The following SNX13 variants were observed in gnomAD, a reference collection of about 807,000 sequenced individuals.
SNX13 encodes the protein sorting nexin 13.
SNX13 carries 45 observed loss-of-function variants against 133.6 expected under a neutral mutation model. The observed-to-expected ratio is 0.34, with a 90% confidence interval of 0.27 to 0.43. The LOEUF is 0.43. Ranked by LOEUF, SNX13 falls within the 20% of genes least tolerant of loss-of-function variation. SNX13 has a pLI of 1.00. For synonymous variants in SNX13, 414 were observed against 373.9 expected, an observed-to-expected ratio of 1.11 and a Z score of -1.24; for missense variants, 1,032 against 1,145.1, an observed-to-expected ratio of 0.90 and a Z score of 1.43.
chr7:17,916,182 C>T (rs949235904), intron 1 of SNX13, among the ~76,000 whole-genome samples: 7 of 125,598 alleles, frequency 5.6e-5, no homozygotes, highest in Non-Finnish European at 8.3e-5. Flanking sequence ...AACGTCTACA[C>T]CAAGGAGATA....
chr7:17,853,952 A>T (rs1172855936), intron 9 of SNX13, among the ~76,000 whole-genome samples: 1 of 138,276 alleles, frequency 7.2e-6, no homozygotes, highest in East Asian at 2.1e-4. Flanking sequence ...AAAAAAAATA[A>T]AAAAAGAAAA....
At chr7:17,818,312 A>C (rs1048796302) in intron 18 of SNX13, among the ~76,000 whole-genome samples, 2 of 152,194 alleles carry the variant, frequency 1.3e-5, no homozygotes, top group African/African-American at 4.8e-5. Flanking sequence ...TTAAAACAAC[A>C]ATTTATTTCA....
intron 20 of SNX13, among the ~76,000 whole-genome samples, chr7:17,804,121 G>A (rs1784926519): frequency 6.6e-6 from 1 of 151,802 alleles, no homozygotes; most frequent in African/African-American, 2.4e-5. Flanking sequence ...GCCAGATGAG[G>A]TTATTCTTAG....
chr7:17,913,199 G>C (rs1393157328), intron 1 of SNX13, among the ~76,000 whole-genome samples: 1 of 152,194 alleles, frequency 6.6e-6, no homozygotes, highest in Non-Finnish European at 1.5e-5. Flanking sequence ...GGAAACACAA[G>C]TGTGGTGCCA....
intron 1 of SNX13, among the ~76,000 whole-genome samples, chr7:17,936,056 A>G (rs938677467): frequency 6.6e-6 from 1 of 152,142 alleles, no homozygotes; most frequent in Admixed American, 6.5e-5. Flanking sequence ...TTGATACGTA[A>G]CTCATCACTC....
chr7:17,870,216 G>C (rs1793919285), intron 8 of SNX13, among the ~76,000 whole-genome samples: 1 of 152,052 alleles, frequency 6.6e-6, no homozygotes, highest in South Asian at 2.1e-4. Flanking sequence ...ATCTTTAAAG[G>C]AATAAAACAT....
At chr7:17,898,471 T>C (rs1015730756) in intron 1 of SNX13, among the ~76,000 whole-genome samples, 3 of 152,154 alleles carry the variant, frequency 2.0e-5, no homozygotes, top group East Asian at 1.9e-4. Flanking sequence ...TCACCAGTCA[T>C]TGCTTCCTAC....
Position 17,845,692 on chromosome 7 carries a change from T to C in SNX13, c.1068A>G (p.Glu356=). 1 of 1,583,244 alleles carries C rather than the reference T, an allele frequency of 6.3e-7. No homozygotes were observed. The change falls in exon 12 of 26, where the codon GAA becomes GAG. Residue 356 remains glutamate, a splice_region_variant and synonymous_variant. Coordinates refer to ENST00000428135, the MANE Select transcript of SNX13 (RefSeq NM_015132.5). ...TTGCTGCAAGTTTCACAGTATTTAT[T>C]TCCTACAGGCAAAAGTGAATATAAG... ...SRIQRLQSGK[E]INTVKLAANF...
At chr7:17,902,242 G>GTTT (rs71010277) in intron 1 of SNX13, among the ~76,000 whole-genome samples, 12 of 120,328 alleles carry the variant, frequency 1.0e-4, no homozygotes, top group South Asian at 5.8e-4. Flanking sequence ...TACTGTCATG[G>GTTT]TTTTTTTTTT....
intron 1 of SNX13, among the ~76,000 whole-genome samples, chr7:17,903,155 T>C (rs763657274): frequency 3.6e-4 from 55 of 152,160 alleles, no homozygotes; most frequent in African/African-American, 1.2e-3. Flanking sequence ...CAACTGTGAA[T>C]TGGAAGAAAC....
At chr7:17,845,442 T>C (rs1351609120) in intron 12 of SNX13, among the ~76,000 whole-genome samples, 153 bp downstream of exon 12, 2 of 152,188 alleles carry the variant, frequency 1.3e-5, no homozygotes, top group Non-Finnish European at 2.9e-5. Flanking sequence ...AAAACAGTTC[T>C]GGAGACTCTG....
chr7:17,851,622 T>C (rs1365762519), intron 9 of SNX13, among the ~76,000 whole-genome samples: 3 of 139,312 alleles, frequency 2.2e-5, no homozygotes, highest in Admixed American at 8.5e-5. Context: ...AAAGAGAACA[T>C]AGAACTACAC....
intron 9 of SNX13, among the ~76,000 whole-genome samples, chr7:17,864,745 T>A: frequency 7.0e-6 from 1 of 142,886 alleles, no homozygotes; most frequent in Non-Finnish European, 1.5e-5. Context: ...AAATAAAGAG[T>A]CCTAAAAGCT....
At chr7:17,818,255 G>C (rs1036713656) in intron 18 of SNX13, among the ~76,000 whole-genome samples, 1 of 152,028 alleles carries the variant, frequency 6.6e-6, no homozygotes, top group Non-Finnish European at 1.5e-5. Flanking sequence ...CATTTTATTA[G>C]GGCAGCCCTA....
rs1296193549 is a variant in SNX13, at chr7:17,794,282, C to T, written c.2637G>A (p.Lys879=). 12 of 1,608,580 alleles carry T rather than the reference C, an allele frequency of 7.5e-6. No individual in the cohort carries two copies. Among genetic ancestry groups the T allele is most frequent in the African/African-American group, 2.7e-5 (2 of 74,608 alleles). The change falls in exon 26 of 26, where the codon AAG becomes AAA. Residue 879 remains lysine (K), a synonymous_variant. Coordinates refer to ENST00000428135, the MANE Select transcript of SNX13 (RefSeq NM_015132.5). ...KLLAIMPDEL[K]HIIGAETTRK... is the part of the protein sequence containing the mutation. Reference sequence around the variant, plus strand: ...GTGTTGTCTCAGCCCCAATAATGTGCTTCAGCTCATCTAAATGAAGTGGAG... The same window carrying T: ...GTGTTGTCTCAGCCCCAATAATGTGTTTCAGCTCATCTAAATGAAGTGGAG...
intron 19 of SNX13, among the ~76,000 whole-genome samples, chr7:17,815,787 G>C (rs929509299): frequency 6.6e-6 from 1 of 151,982 alleles, no homozygotes; most frequent in African/African-American, 2.4e-5. Context: ...ATAATACATC[G>C]ACATCTAAAA....
chr7:17,922,393 T>C (rs971035016), intron 1 of SNX13, among the ~76,000 whole-genome samples: 2 of 152,200 alleles, frequency 1.3e-5, no homozygotes, highest in African/African-American at 4.8e-5. Context: ...TACCACATAC[T>C]GTAAGTCTCC....
chr7:17,907,930 T>C (rs1046714159), intron 1 of SNX13, among the ~76,000 whole-genome samples: 1 of 152,216 alleles, frequency 6.6e-6, no homozygotes, highest in Non-Finnish European at 1.5e-5. Flanking sequence ...TCCACCCATA[T>C]GTACTGTGAC....
chr7:17,839,745 G>C, intron 13 of SNX13, 62 bp downstream of exon 13: 2 of 1,391,460 alleles, frequency 1.4e-6, no homozygotes, highest in Non-Finnish European at 1.9e-6. Flanking sequence ...ATAAGCAATG[G>C]ATTACAAAAA....
Sources: allele counts gnomAD v4.1 joint callset (sites outside exome capture counted in the v4.1 genomes callset), GRCh38; gene constraint gnomAD v4.1.1; transcripts MANE v1.5; gene names NCBI Gene and HGNC (gene_info 2026-07-23, HGNC 2026-07-21).